GRIK4: variants seen among roughly 807,000 people sequenced by gnomAD.
GRIK4 encodes the protein glutamate receptor ionotropic, kainate 4.
A neutral mutation model predicts 104.9 loss-of-function variants in GRIK4; 40 were observed. The ratio of observed to expected loss-of-function variants is 0.38; its 90% CI spans 0.30 to 0.50. The LOEUF is 0.50. GRIK4 is among the 20% of genes least tolerant of loss of function. GRIK4 has a pLI of 0.93. For synonymous variants in GRIK4, 485 were observed against 524.9 expected (o/e 0.92, Z 1.04); for missense variants, 1,047 against 1,308.1 (o/e 0.80, Z 3.08).
intron 18 of GRIK4, among the ~76,000 whole-genome samples, chr11:120,965,339 G>C (rs529714767): frequency 7.9e-5 from 12 of 152,320 alleles, no homozygotes; most frequent in African/African-American, 2.6e-4. Context: ...CTCTAAACCT[G>C]AAATGTTCAT....
chr11:120,567,741 C>T (rs1404832311), intron 1 of GRIK4, among the ~76,000 whole-genome samples: 1 of 152,120 alleles, frequency 6.6e-6, no homozygotes, highest in East Asian at 1.9e-4. Flanking sequence ...TGTGGCTGGC[C>T]CTAGGTAGTG....
intron 1 of GRIK4, among the ~76,000 whole-genome samples, chr11:120,517,803 CGTA>C (rs1202206222): frequency 6.6e-6 from 1 of 151,900 alleles, no homozygotes; most frequent in Non-Finnish European, 1.5e-5. Context: ...ACAGAGGAGT[CGTA>C]GTGGTGGCCT....
At position 120,519,904 on chromosome 11, in the gene GRIK4, T is replaced by G. The variant is rs7934754; in HGVS notation, c.-159+8017T>G. Reference sequence around the variant, plus strand: ...TGTTTTTTTTTTTGTTGTTGTTGTTTTTTTTTGAGACGGGGTCTTACTCTG... The same window carrying G: ...TGTTTTTTTTTTTGTTGTTGTTGTTGTTTTTTGAGACGGGGTCTTACTCTG... On this transcript the variant is annotated intron_variant, in intron 1 of 20. Transcript: ENST00000527524. Among the ~76,000 whole-genome samples, 242 of 150,300 alleles carry G rather than the reference T, an allele frequency of 1.6e-3. 2 individuals are homozygous for G. Among genetic ancestry groups the G allele is most frequent in the East Asian group, 9.9e-3 (51 of 5,154 alleles).
chr11:120,977,078 T>C (rs995036498), intron 19 of GRIK4, among the ~76,000 whole-genome samples: 1 of 152,230 alleles, frequency 6.6e-6, no homozygotes, highest in African/African-American at 2.4e-5. Context: ...TTTGCATTTG[T>C]GAACTATCAT....
intron 1 of GRIK4, among the ~76,000 whole-genome samples, chr11:120,617,053 G>A (rs982092193): frequency 1.3e-5 from 2 of 152,214 alleles, no homozygotes; most frequent in Admixed American, 6.5e-5. Context: ...TTCTCCTGGG[G>A]AACCTTCTCG....
chr11:120,737,237 T>C (rs1243759100), intron 3 of GRIK4, among the ~76,000 whole-genome samples: 2 of 152,212 alleles, frequency 1.3e-5, no homozygotes, highest in Non-Finnish European at 2.9e-5. Flanking sequence ...AATGTATTAT[T>C]TGAATAACCA....
intron 12 of GRIK4, among the ~76,000 whole-genome samples, chr11:120,899,654 A>T (rs1443594526): frequency 6.6e-6 from 1 of 152,104 alleles, no homozygotes; most frequent in African/African-American, 2.4e-5. Context: ...CCAAGGTATT[A>T]TTTGTCTTCC....
intron 20 of GRIK4, among the ~76,000 whole-genome samples, chr11:120,984,151 A>C (rs1944697932): frequency 1.3e-5 from 2 of 152,202 alleles, no homozygotes; most frequent in African/African-American, 4.8e-5. Context: ...AAAATTCAGC[A>C]AGTAGTTAGA....
At chr11:120,733,605 A>G (rs1341706299) in intron 3 of GRIK4, among the ~76,000 whole-genome samples, 1 of 152,070 alleles carries the variant, frequency 6.6e-6, no homozygotes, top group Non-Finnish European at 1.5e-5. Context: ...AAGAAAACTA[A>G]CAAAAACTCT....
chr11:120,598,376 A>G (rs894277393), intron 1 of GRIK4, among the ~76,000 whole-genome samples: 2 of 152,148 alleles, frequency 1.3e-5, no homozygotes, highest in African/African-American at 4.8e-5. Flanking sequence ...GTTTGAATTC[A>G]ACCTCCAGTG....
intron 3 of GRIK4, among the ~76,000 whole-genome samples, chr11:120,713,454 C>T (rs1950774758): frequency 2.0e-5 from 3 of 152,180 alleles, no homozygotes; most frequent in African/African-American, 7.2e-5. Context: ...GCCACCCTTG[C>T]GTCACTGACA....
chr11:120,893,580 G>A (rs116009286), intron 11 of GRIK4, among the ~76,000 whole-genome samples: 115 of 152,300 alleles, frequency 7.6e-4, no homozygotes, highest in African/African-American at 2.5e-3. Context: ...GGATTAGTAT[G>A]CATCACCTTC....
At position 120,630,187 on chromosome 11, in the gene GRIK4, G is replaced by A. The variant is rs566967068; in HGVS notation, c.-158-23498G>A. Among the ~76,000 whole-genome samples, 40 of 152,286 alleles carry A rather than the reference G, an allele frequency of 2.6e-4. 1 individual carries two copies. The South Asian group carries it at 8.1e-3, about 31-fold the overall frequency. On this transcript the variant is annotated intron_variant, in intron 1 of 20. Transcript: ENST00000527524. ...TCATCCTCTGCCTTGCCCTGTGTGG[G>A]GACCCTGAACCCCCTCTTACCTGTC...
chr11:120,845,394 AG>A (rs1237179715), intron 8 of GRIK4, among the ~76,000 whole-genome samples: 1 of 152,156 alleles, frequency 6.6e-6, no homozygotes, highest in Non-Finnish European at 1.5e-5. Context: ...TCTAATCCTG[AG>A]GGTTGTTAGT....
chr11:120,661,738 T>G (rs1949820791), intron 3 of GRIK4, among the ~76,000 whole-genome samples: 1 of 152,106 alleles, frequency 6.6e-6, no homozygotes, highest in Non-Finnish European at 1.5e-5. Flanking sequence ...CAGTTTTTCA[T>G]GCAAATGCAG....
At chr11:120,721,110 T>C (rs954171699) in intron 3 of GRIK4, among the ~76,000 whole-genome samples, 1 of 151,898 alleles carries the variant, frequency 6.6e-6, no homozygotes, top group Non-Finnish European at 1.5e-5. Context: ...TAATGAAGGG[T>C]TTATGGATAC....
At chr11:120,871,649 C>T (rs1462683052) in intron 9 of GRIK4, 5 of 455,974 alleles carry the variant, frequency 1.1e-5, no homozygotes, top group Admixed American at 4.7e-5. Context: ...GCAGGAGACT[C>T]GACGGAGGCC....
At chr11:120,599,473 C>T (rs919167745) in intron 1 of GRIK4, among the ~76,000 whole-genome samples, 1 of 152,090 alleles carries the variant, frequency 6.6e-6, no homozygotes, top group Admixed American at 6.5e-5. Context: ...GAGTTTCCGC[C>T]GTTATCTGGG....
chr11:120,609,833 C>A (rs763726035), intron 1 of GRIK4, among the ~76,000 whole-genome samples: 3 of 151,958 alleles, frequency 2.0e-5, no homozygotes, highest in Non-Finnish European at 4.4e-5. Flanking sequence ...AATGGACCTG[C>A]CTTCTACCCC....
Sources: allele counts gnomAD v4.1 joint callset (sites outside exome capture counted in the v4.1 genomes callset), GRCh38; gene constraint gnomAD v4.1.1; transcripts MANE v1.5; gene names NCBI Gene and HGNC (gene_info 2026-07-23, HGNC 2026-07-21).